The following DGKB variants were observed in gnomAD, a reference collection of about 807,000 sequenced individuals.
DGKB encodes the protein 90 kDa diacylglycerol kinase.
Under a neutral mutation model 114.3 loss-of-function variants are expected in DGKB, and 67 were observed. That is an observed-to-expected ratio of 0.59 (90% CI 0.48 to 0.72). The LOEUF (loss-of-function observed/expected upper bound fraction) is 0.72. Among genes scored for constraint, DGKB ranks in the 30% least tolerant of loss-of-function variants. The pLI is 0.00. For synonymous variants in DGKB, 398 were observed against 323.1 expected, an observed-to-expected ratio of 1.23 and a Z score of -2.49; for missense variants, 907 against 975.2, an observed-to-expected ratio of 0.93 and a Z score of 0.93.
rs566161786 is a variant in DGKB, at chr7:14,363,223, G to T, written c.1836-17832C>A. Among the ~76,000 whole-genome samples the T allele has an allele frequency of 5.3e-5, 8 of 152,200 alleles. No individual in the cohort carries two copies. The East Asian group carries it at 1.5e-3, about 29-fold the overall frequency. ...GATTAAAGCCACTAAGTGTTAGTCT[G>T]GTGTGCTAAGAACAAATAGATAAAA... On this transcript the variant is annotated intron_variant, in intron 21 of 25. Coordinates refer to ENST00000402815, the MANE Select transcript of DGKB (RefSeq NM_001350709.2).
intron 13 of DGKB, among the ~76,000 whole-genome samples, chr7:14,645,441 G>A (rs1812760813): frequency 6.6e-6 from 1 of 151,920 alleles, no homozygotes; most frequent in Non-Finnish European, 1.5e-5. Flanking sequence ...AAAACCCACT[G>A]GGTGCCACCT....
intron 21 of DGKB, among the ~76,000 whole-genome samples, chr7:14,393,721 A>G (rs888086417): frequency 6.6e-6 from 1 of 152,144 alleles, no homozygotes; most frequent in African/African-American, 2.4e-5. Context: ...TATCTTATTA[A>G]TCCACCTTGG....
In DGKB at chr7:14,759,081, T is replaced by A. The variant is rs552333951; in HGVS notation, c.71-1350A>T. 2.0e-3 allele frequency among the ~76,000 whole-genome samples: 308 copies of A among 152,210 alleles called. 2 individuals are homozygous for A. Among genetic ancestry groups the A allele is most frequent in the Non-Finnish European group, 1.9e-3 (132 of 67,988 alleles). ...CTGGGATTACAGGGGCTTACCACCA[T>A]GCCTGGCTAATTTTTATAATTTTAG... On this transcript the variant is annotated intron_variant, in intron 2 of 25. Transcript: ENST00000402815.
intron 20 of DGKB, among the ~76,000 whole-genome samples, chr7:14,528,909 C>T (rs1289594037): frequency 6.6e-6 from 1 of 151,764 alleles, no homozygotes; most frequent in African/African-American, 2.4e-5. Context: ...ATAACTTGGG[C>T]ACGGACAGAT....
chr7:14,247,154 A>T lies in DGKB; in HGVS notation c.2123-69003T>A, dbSNP rs532557608. Among the ~76,000 whole-genome samples, 115 of 152,298 alleles carry T rather than the reference A, an allele frequency of 7.6e-4. 2 individuals carry two copies. The highest frequency in any genetic ancestry group is 4.0e-4 in the Non-Finnish European group (27 of 67,996). On this transcript the variant is annotated intron_variant, in intron 23 of 25. Coordinates refer to ENST00000402815, the MANE Select transcript of DGKB (RefSeq NM_001350709.2). ...CCTCTAGGTACATGTGTATTGTCAC[A>T]AATGACAAAATTTCCTTCTTTTTAA...
At chr7:14,586,484 A>G (rs1327521332) in intron 17 of DGKB, among the ~76,000 whole-genome samples, 1 of 152,196 alleles carries the variant, frequency 6.6e-6, no homozygotes, top group African/African-American at 2.4e-5. Context: ...GCAGCAAATT[A>G]TCCAGAAGAT....
chr7:14,202,403 T>G (rs1232408480), intron 23 of DGKB, among the ~76,000 whole-genome samples: 3 of 152,028 alleles, frequency 2.0e-5, no homozygotes, highest in Non-Finnish European at 2.9e-5. Flanking sequence ...CTGTCATTAA[T>G]TACTAATAAC....
chr7:14,295,152 C>A (rs566010443), intron 23 of DGKB, among the ~76,000 whole-genome samples: 2 of 152,000 alleles, frequency 1.3e-5, no homozygotes, highest in South Asian at 4.1e-4. Context: ...GGTTCTCTAT[C>A]GATATCTACT....
chr7:14,867,536 T>A (rs1395885252), intron 1 of DGKB, among the ~76,000 whole-genome samples: 1 of 152,118 alleles, frequency 6.6e-6, no homozygotes, highest in East Asian at 1.9e-4. Context: ...TTCTTACATT[T>A]AAAAACTGAT....
intron 2 of DGKB, among the ~76,000 whole-genome samples, chr7:14,786,759 AG>A (rs1356376906): frequency 2.6e-5 from 4 of 151,370 alleles, no homozygotes; most frequent in Admixed American, 2.6e-4. Flanking sequence ...CTGTCACCTC[AG>A]CCCCCTCCAG....
chr7:14,632,682 G>A (rs540521902), intron 13 of DGKB, among the ~76,000 whole-genome samples: 1 of 151,858 alleles, frequency 6.6e-6, no homozygotes, highest in African/African-American at 2.4e-5. Flanking sequence ...TCATAGGAGT[G>A]GGTGGGAGAG....
intron 20 of DGKB, among the ~76,000 whole-genome samples, chr7:14,541,991 A>G (rs564761796): frequency 3.8e-4 from 58 of 152,074 alleles, no homozygotes; most frequent in African/African-American, 1.4e-3. Flanking sequence ...TAGACTCCAT[A>G]CTTGTTATTG....
intron 1 of DGKB, among the ~76,000 whole-genome samples, chr7:14,914,916 G>A (rs1300032377): frequency 6.6e-6 from 1 of 152,014 alleles, no homozygotes; most frequent in Non-Finnish European, 1.5e-5. Context: ...AGACTGGACA[G>A]AACTGAGGAG....
At chr7:14,609,112 C>T (rs574283199) in intron 16 of DGKB, among the ~76,000 whole-genome samples, 7 of 151,918 alleles carry the variant, frequency 4.6e-5, no homozygotes, top group African/African-American at 9.7e-5. Context: ...CCAAAGCAAG[C>T]CTAAGCTAAA....
chr7:14,574,445 G>A (rs1798829749), intron 19 of DGKB, 73 bp from the exon 20 acceptor site: 5 of 1,263,298 alleles, frequency 4.0e-6, no homozygotes, highest in Admixed American at 4.1e-5. Context: ...ATGTTTCAGT[G>A]TGCTTATGCA....
chr7:14,655,974 A>T (rs1815699011), intron 13 of DGKB, among the ~76,000 whole-genome samples: 1 of 151,720 alleles, frequency 6.6e-6, no homozygotes, highest in Admixed American at 6.6e-5. Context: ...CTATAATGTG[A>T]ATAGAGCTAA....
intron 1 of DGKB, among the ~76,000 whole-genome samples, chr7:14,973,074 A>G (rs1787568647): frequency 6.6e-6 from 1 of 151,992 alleles, no homozygotes; most frequent in Non-Finnish European, 1.5e-5. Flanking sequence ...TAGAAACTAT[A>G]ATTTGTAGGG....
chr7:14,620,819 T>C (rs1490999708), intron 15 of DGKB, among the ~76,000 whole-genome samples: 1 of 151,808 alleles, frequency 6.6e-6, no homozygotes, highest in Non-Finnish European at 1.5e-5. Context: ...TATTAAAAAA[T>C]GACTACCTGT....
intron 21 of DGKB, among the ~76,000 whole-genome samples, chr7:14,377,900 T>C (rs1046068023): frequency 1.2e-4 from 19 of 152,218 alleles, no homozygotes; most frequent in African/African-American, 4.3e-4. Context: ...GTGGACAATA[T>C]AATACTCTCC....
Sources: allele counts gnomAD v4.1 joint callset (sites outside exome capture counted in the v4.1 genomes callset), GRCh38; gene constraint gnomAD v4.1.1; transcripts MANE v1.5; gene names NCBI Gene and HGNC (gene_info 2026-07-23, HGNC 2026-07-21).